Variants in B3GAT2 observed in about 807,000 individuals in gnomAD.
B3GAT2 encodes galactosylgalactosylxylosylprotein 3-beta-glucuronosyltransferase 2.
B3GAT2 carries 26 observed loss-of-function variants against 27.8 expected under a neutral mutation model. The observed-to-expected ratio is 0.93, with a 90% CI of 0.68 to 1.30. The LOEUF (loss-of-function observed/expected upper bound fraction) is 1.30. Ranked by LOEUF, B3GAT2 falls within the 50% of genes most tolerant of loss-of-function variation. B3GAT2 has a pLI of 0.00. For missense variants in B3GAT2, 458 were observed against 459.0 expected (o/e 1.00, Z 0.02); for synonymous variants, 218 against 195.1 (o/e 1.12, Z -0.98).
chr6:70,866,039 C>T (rs2150021793), intron 2 of B3GAT2, among the ~76,000 whole-genome samples: 1 of 152,304 alleles, frequency 6.6e-6, no homozygotes, highest in Non-Finnish European at 1.5e-5. Flanking sequence ...GAAGGAAGAA[C>T]TCTGCTGATC....
At chr6:70,946,948 C>A (rs1296910339) in intron 1 of B3GAT2, among the ~76,000 whole-genome samples, 1 of 152,138 alleles carries the variant, frequency 6.6e-6, no homozygotes, top group African/African-American at 2.4e-5. Context: ...TGCACAACTG[C>A]ATGGAAACTG....
At chr6:70,955,165 G>C (rs1459203059) in intron 1 of B3GAT2, among the ~76,000 whole-genome samples, 1 of 134,280 alleles carries the variant, frequency 7.4e-6, no homozygotes. Flanking sequence ...TTCCAGAAAG[G>C]GTTTTCTTGC....
Position 70,857,822 on chromosome 6 carries a change from G to A in B3GAT2, c.*3841C>T. The A allele has an allele frequency of 7.7e-7, 1 of 1,306,096 alleles. No homozygotes were observed. The highest frequency in any genetic ancestry group is 1.1e-6 in the Non-Finnish European group (1 of 944,100). 80.9% of individuals were successfully genotyped at this position (1,306,096 alleles called of 1,614,324 possible). On this transcript the variant is annotated 3_prime_UTR_variant, in exon 4 of 4. Coordinates refer to ENST00000230053, the MANE Select transcript of B3GAT2 (RefSeq NM_080742.3). The stretch of plus-strand genomic sequence containing the variant: ...CAGCCAAACTGGAATTAAAATGTTT[G>A]CTGTGAGTAGTTCAGAAAGGCAATT...
chr6:70,867,834 G>C (rs1397259844), intron 2 of B3GAT2, among the ~76,000 whole-genome samples: 1 of 152,054 alleles, frequency 6.6e-6, no homozygotes, highest in African/African-American at 2.4e-5. Context: ...GCATTGCCCT[G>C]ATACCAAAAC....
intron 2 of B3GAT2, among the ~76,000 whole-genome samples, chr6:70,871,749 A>T (rs1771941844): frequency 6.6e-6 from 1 of 150,656 alleles, no homozygotes; most frequent in Non-Finnish European, 1.5e-5. Flanking sequence ...GCTTATTTTG[A>T]GTTTACTCTT....
In B3GAT2 at chr6:70,857,364, G is replaced by A. The variant is rs1459470977; in HGVS notation, c.*4299C>T. 1 of 185,118 alleles carries A rather than the reference G, an allele frequency of 5.4e-6. No homozygotes were observed. Among genetic ancestry groups the A allele is most frequent in the South Asian group, 1.7e-4 (1 of 5,940 alleles). The allele number at this position is 185,118 out of a possible 1,614,324, so 11.5% of individuals were successfully genotyped here. ...CTGCGTACAGTGTATTTTCTCTGCA[G>A]GTAAACAGTCTTGAGTTACCACATG... On this transcript the variant is annotated 3_prime_UTR_variant, in exon 4 of 4. Transcript: ENST00000230053.
chr6:70,860,056 A>G lies in B3GAT2; in HGVS notation c.*1607T>C, dbSNP rs1771641573. 2 of 879,352 alleles carry G rather than the reference A, an allele frequency of 2.3e-6. No individual in the cohort carries two copies. The highest frequency in any genetic ancestry group is 3.3e-6 in the Non-Finnish European group (2 of 612,792). The allele number at this position is 879,352 out of a possible 1,614,324, so 54.5% of individuals were successfully genotyped here. A position where few individuals can be genotyped will look rare whatever the true frequency, so the allele number is the denominator to read the frequency against. On this transcript the variant is annotated 3_prime_UTR_variant, in exon 4 of 4. Transcript: ENST00000230053. Reference sequence around the variant, plus strand: ...GAACAAAGTAGCTATTTGCTTTAAGAAATATTTGTATGGTACTCTGTTTTT... The same window carrying G: ...GAACAAAGTAGCTATTTGCTTTAAGGAATATTTGTATGGTACTCTGTTTTT...
intron 1 of B3GAT2, among the ~76,000 whole-genome samples, chr6:70,910,035 G>A (rs1167968119): frequency 2.8e-5 from 4 of 142,240 alleles, no homozygotes; most frequent in East Asian, 1.9e-4. Context: ...CACCACACCC[G>A]GCTAATTTTT....
intron 1 of B3GAT2, among the ~76,000 whole-genome samples, chr6:70,901,787 A>G (rs1160110034): frequency 1.3e-5 from 2 of 152,224 alleles, no homozygotes; most frequent in African/African-American, 4.8e-5. Context: ...ACTGAAAAAC[A>G]GATCAAATGG....
intron 2 of B3GAT2, among the ~76,000 whole-genome samples, chr6:70,889,366 C>T (rs983151728): frequency 2.6e-5 from 4 of 152,030 alleles, no homozygotes; most frequent in Admixed American, 6.5e-5. Context: ...CATTTGCTGC[C>T]GCATTTCTTA....
At chr6:70,950,061 G>A (rs1443650506) in intron 1 of B3GAT2, among the ~76,000 whole-genome samples, 1 of 151,714 alleles carries the variant, frequency 6.6e-6, no homozygotes, top group Non-Finnish European at 1.5e-5. Flanking sequence ...TTGTGGGGTG[G>A]GGGTTGGGGG....
chr6:70,925,397 C>G (rs564904054), intron 1 of B3GAT2, among the ~76,000 whole-genome samples: 1 of 152,328 alleles, frequency 6.6e-6, no homozygotes, highest in South Asian at 2.1e-4. Context: ...CTTTCCTAGC[C>G]AAGGGAAGCC....
intron 1 of B3GAT2, among the ~76,000 whole-genome samples, chr6:70,917,354 T>A (rs1184657104): frequency 6.6e-6 from 1 of 152,230 alleles, no homozygotes; most frequent in East Asian, 1.9e-4. Context: ...AACCAGCTCC[T>A]GGGTTCATTG....
intron 1 of B3GAT2, among the ~76,000 whole-genome samples, chr6:70,917,307 T>C (rs1004490358): frequency 1.3e-5 from 2 of 152,102 alleles, no homozygotes; most frequent in Non-Finnish European, 2.9e-5. Flanking sequence ...TTATTAGTCT[T>C]GCTTGTCATG....
chr6:70,952,533 C>T (rs1348894369), intron 1 of B3GAT2, among the ~76,000 whole-genome samples: 1 of 152,098 alleles, frequency 6.6e-6, no homozygotes, highest in Non-Finnish European at 1.5e-5. Context: ...GTAGTTGTGG[C>T]TTTTATTAAA....
At chr6:70,937,700 C>A (rs1439035651) in intron 1 of B3GAT2, among the ~76,000 whole-genome samples, 6 of 151,916 alleles carry the variant, frequency 3.9e-5, no homozygotes, top group African/African-American at 1.4e-4. Flanking sequence ...CAAAATTCAA[C>A]AACGCTTCAT....
At chr6:70,898,331 TC>T (rs1772428455) in intron 1 of B3GAT2, among the ~76,000 whole-genome samples, 2 of 152,164 alleles carry the variant, frequency 1.3e-5, no homozygotes, top group African/African-American at 4.8e-5. Flanking sequence ...TCCTAGATCT[TC>T]CCCATAGGTG....
intron 1 of B3GAT2, among the ~76,000 whole-genome samples, chr6:70,920,250 C>T (rs562500243): frequency 2.7e-4 from 41 of 152,342 alleles, no homozygotes; most frequent in Middle Eastern, 6.8e-3. Flanking sequence ...GGGAATCTTC[C>T]GGTCTGCCTG....
chr6:70,901,302 T>C (rs1772494934), intron 1 of B3GAT2, among the ~76,000 whole-genome samples: 3 of 152,156 alleles, frequency 2.0e-5, no homozygotes, highest in Admixed American at 1.3e-4. Flanking sequence ...TGCTATGATG[T>C]GATGGGAATG....
Sources: gnomAD v4.1 joint callset for allele counts (sites outside exome capture counted in the v4.1 genomes callset) on GRCh38, gnomAD v4.1.1 for gene constraint, MANE v1.5 for transcripts, NCBI Gene and HGNC (gene_info 2026-07-23, HGNC 2026-07-21) for gene names.